AKAP10: variants seen among roughly 807,000 people sequenced by gnomAD.
The protein encoded by AKAP10 is A-kinase anchor protein 10, mitochondrial.
AKAP10 carries 24 observed loss-of-function variants against 80.8 expected under a neutral mutation model. That is an observed-to-expected ratio of 0.30 (90% CI 0.22 to 0.42). AKAP10 has a LOEUF of 0.42. AKAP10 is among the 10% of genes least tolerant of loss of function. The pLI is 1.00. For synonymous variants in AKAP10, 291 were observed against 277.7 expected (o/e 1.05, Z -0.48); for missense variants, 661 against 794.9 (o/e 0.83, Z 2.03).
At chr17:19,918,595 C>T (rs2042776009) in intron 12 of AKAP10, among the ~76,000 whole-genome samples, 1 of 152,170 alleles carries the variant, frequency 6.6e-6, no homozygotes, top group African/African-American at 2.4e-5. Context: ...GCTAGGATTA[C>T]AGGCATGAGC....
chr17:19,931,975 A>T lies in AKAP10; in HGVS notation c.1471T>A (p.Phe491Ile), dbSNP rs376507709. 2 of 1,609,208 alleles carry T rather than the reference A, an allele frequency of 1.2e-6. No individual in the cohort carries two copies. Among genetic ancestry groups the T allele is most frequent in the Admixed American group, 1.7e-5 (1 of 59,082 alleles). The change falls in exon 10 of 15, where the codon TTT becomes ATT. Residue 491 changes from phenylalanine to isoleucine, a missense_variant. By Grantham distance (21) the Phe-to-Ile change is conservative. Transcript: ENST00000225737. ...TTGCTGGACAAAAAGCCAGGCAAAA[A>T]GACCTGATAGAGATGAAAAGCATTA... Reference protein sequence around the residue: ...RQAWTTMEKVFLPGFLSSNLY... With the variant: ...RQAWTTMEKVILPGFLSSNLY...
At chr17:19,932,034 T>C in intron 9 of AKAP10, 56 bp from the exon 10 acceptor site, 1 of 1,470,568 alleles carries the variant, frequency 6.8e-7, no homozygotes, top group Non-Finnish European at 9.2e-7. Context: ...ACTAAAACTG[T>C]TTTAAATAAA....
Position 19,913,816 on chromosome 17 carries a change from G to A in AKAP10, c.1835-3838C>T, listed in dbSNP as rs189080476. On this transcript the variant is annotated intron_variant, in intron 12 of 14. Transcript: ENST00000225737. The stretch of plus-strand genomic sequence containing the variant: ...ATTTTTTCTTACATAAATATAATCC[G>A]TAATCTTACCACTCAGATAATCCCA... Among the ~76,000 whole-genome samples the A allele has an allele frequency of 1.7e-3, 251 of 152,106 alleles. 1 individual carries two copies. Among genetic ancestry groups the A allele is most frequent in the Non-Finnish European group, 2.6e-3 (180 of 67,996 alleles).
chr17:19,966,659 AT>A (rs1307386065), intron 2 of AKAP10, among the ~76,000 whole-genome samples: 1 of 152,200 alleles, frequency 6.6e-6, no homozygotes, highest in Non-Finnish European at 1.5e-5. Context: ...TAAGCACAGA[AT>A]TTTTTAGCCC....
chr17:19,938,237 ATTTT>A, intron 8 of AKAP10, among the ~76,000 whole-genome samples: 1 of 136,106 alleles, frequency 7.3e-6, no homozygotes, highest in East Asian at 2.2e-4. Flanking sequence ...CTGAAAACCT[ATTTT>A]TTTTTTTTTT....
chr17:19,907,005 G>A (rs901004942), intron 14 of AKAP10, among the ~76,000 whole-genome samples: 3 of 148,366 alleles, frequency 2.0e-5, no homozygotes, highest in African/African-American at 5.1e-5. Context: ...CTAGTTCTTC[G>A]AGTCTACTGT....
At chr17:19,967,635 G>A (rs1184302540) in intron 2 of AKAP10, among the ~76,000 whole-genome samples, 1 of 151,304 alleles carries the variant, frequency 6.6e-6, no homozygotes. Context: ...GTAATCCCAG[G>A]ACTTTGGGAG....
intron 3 of AKAP10, 29 bp from the exon 4 acceptor site, chr17:19,958,600 G>T (rs769307984): frequency 6.5e-7 from 1 of 1,544,686 alleles, no homozygotes; most frequent in Non-Finnish European, 8.7e-7. Flanking sequence ...AGAATTAGCA[G>T]TTCAGCAACA....
chr17:19,962,791 G>A (rs540736140), intron 3 of AKAP10, 49 bp downstream of exon 3: 5 of 1,552,134 alleles, frequency 3.2e-6, no homozygotes, highest in African/African-American at 1.4e-5. Flanking sequence ...TTCACATATT[G>A]TACTCAAATC....
intron 1 of AKAP10, among the ~76,000 whole-genome samples, chr17:19,968,737 C>A (rs2043456133): frequency 6.6e-6 from 1 of 152,080 alleles, no homozygotes; most frequent in South Asian, 2.1e-4. Flanking sequence ...CACTTATAAG[C>A]CATGTGATCT....
chr17:19,969,013 A>G (rs1470871245), intron 1 of AKAP10, among the ~76,000 whole-genome samples: 1 of 152,174 alleles, frequency 6.6e-6, no homozygotes, highest in Admixed American at 6.5e-5. Flanking sequence ...CATAGCATCA[A>G]GTGAAAACAT....
At chr17:19,977,336 G>A (rs1222178867) in intron 1 of AKAP10, among the ~76,000 whole-genome samples, 1 of 152,196 alleles carries the variant, frequency 6.6e-6, no homozygotes, top group African/African-American at 2.4e-5. Context: ...TAACCAAACA[G>A]GCAGGAACTT....
intron 13 of AKAP10, 55 bp downstream of exon 13, chr17:19,909,871 A>G: frequency 4.5e-6 from 7 of 1,551,080 alleles, no homozygotes; most frequent in Non-Finnish European, 6.2e-6. Context: ...AACCTCACTT[A>G]CATGAGGGTG....
intron 4 of AKAP10, among the ~76,000 whole-genome samples, chr17:19,949,596 C>T (rs922504881): frequency 6.6e-6 from 1 of 151,776 alleles, no homozygotes; most frequent in African/African-American, 2.4e-5. Context: ...ACAGTGAAAC[C>T]GTCTCTACTA....
chr17:19,972,470 T>TG (rs1263084137), intron 1 of AKAP10, among the ~76,000 whole-genome samples: 5 of 152,216 alleles, frequency 3.3e-5, no homozygotes, highest in Non-Finnish European at 4.4e-5. Flanking sequence ...TGTTTTGTTT[T>TG]TTTGAGACGG....
At chr17:19,922,273 A>T (rs1382563088) in intron 11 of AKAP10, among the ~76,000 whole-genome samples, 1 of 152,192 alleles carries the variant, frequency 6.6e-6, no homozygotes, top group East Asian at 1.9e-4. Flanking sequence ...TTTTAGGCAA[A>T]GTGATCTTAT....
At position 19,965,766 on chromosome 17, in the gene AKAP10, C is replaced by A. The variant is rs144070207; in HGVS notation, c.136+2648G>T. ...GCTTCACTCAGTTTGACTAATTCAA[C>A]AAACTGAAGGCTATGTTAAAACTAG... On this transcript the variant is annotated intron_variant, in intron 2 of 14. Coordinates refer to ENST00000225737, the MANE Select transcript of AKAP10 (RefSeq NM_007202.4). Among the ~76,000 whole-genome samples the A allele has an allele frequency of 7.5e-3, 1,148 of 152,176 alleles. 18 individuals carry two copies. Among genetic ancestry groups the A allele is most frequent in the African/African-American group, 0.025 (1,059 of 41,544 alleles).
chr17:19,949,004 GTAAGTCA>G (rs1268915751), intron 4 of AKAP10, among the ~76,000 whole-genome samples: 1 of 152,082 alleles, frequency 6.6e-6, no homozygotes, highest in Non-Finnish European at 1.5e-5. Flanking sequence ...ATCATGTAAC[GTAAGTCA>G]AACTGTCCAA....
rs532833126 is a variant in AKAP10 at position 19,951,082 on chromosome 17, G to A, written c.878-3577C>T. Among the ~76,000 whole-genome samples the A allele has an allele frequency of 3.3e-3, 396 of 118,426 alleles. 2 individuals carry two copies. The highest frequency in any genetic ancestry group is 0.013 in the African/African-American group (374 of 28,574). 77.7% of individuals were successfully genotyped at this position (118,426 alleles called of 152,430 possible). A position where few individuals can be genotyped will look rare whatever the true frequency, so the allele number is the denominator to read the frequency against. On this transcript the variant is annotated intron_variant, in intron 4 of 14. Transcript: ENST00000225737. Reference sequence around the variant, plus strand: ...GAGCCCCTCCGCCCGGCAGCCGCCCGGTCTGCGAAGTGAGGAGCCCCTCAG... The same window carrying A: ...GAGCCCCTCCGCCCGGCAGCCGCCCAGTCTGCGAAGTGAGGAGCCCCTCAG...
Sources: allele counts gnomAD v4.1 joint callset (sites outside exome capture counted in the v4.1 genomes callset), GRCh38; gene constraint gnomAD v4.1.1; transcripts MANE v1.5; gene names NCBI Gene and HGNC (gene_info 2026-07-23, HGNC 2026-07-21).